The following C10orf67 variants were observed in gnomAD, a reference collection of about 807,000 sequenced individuals.
C10orf67 encodes chromosome 10 open reading frame 67.
Under a neutral mutation model 35.6 loss-of-function variants are expected in C10orf67, and 60 were observed. That is an observed-to-expected ratio of 1.68 (90% CI 1.37 to 2.09). The LOEUF (loss-of-function observed/expected upper bound fraction) is 2.09, where lower values mean the gene tolerates loss of function less well. Among genes scored for constraint, C10orf67 ranks in the 30% most tolerant of loss-of-function variants. C10orf67 has a pLI of 0.00. For synonymous variants in C10orf67, 167 were observed against 115.8 expected (o/e 1.44, Z -2.84); for missense variants, 474 against 330.2 (o/e 1.44, Z -3.38).
intron 12 of C10orf67, among the ~76,000 whole-genome samples, chr10:23,246,904 G>A (rs1373492578): frequency 6.6e-6 from 1 of 152,074 alleles, no homozygotes; most frequent in East Asian, 1.9e-4. Flanking sequence ...ACTTACTGCA[G>A]CCTCAACCTC....
chr10:23,309,447 AATATTGGGGGATGG>A (rs1321199568), intron 4 of C10orf67, among the ~76,000 whole-genome samples: 1 of 152,204 alleles, frequency 6.6e-6, no homozygotes, highest in Non-Finnish European at 1.5e-5. Flanking sequence ...TACAATGTTC[AATATTGGGGGATGG>A]ATATACTAGA....
chr10:23,315,177 A>G (rs1213786707), intron 4 of C10orf67, among the ~76,000 whole-genome samples: 1 of 152,220 alleles, frequency 6.6e-6, no homozygotes, highest in Non-Finnish European at 1.5e-5. Flanking sequence ...ATTTAATTTA[A>G]TATAAACAAT....
intron 12 of C10orf67, among the ~76,000 whole-genome samples, chr10:23,244,425 T>G (rs952771475): frequency 1.3e-5 from 2 of 151,940 alleles, no homozygotes; most frequent in Admixed American, 1.3e-4. Context: ...AAATAAAACA[T>G]TAAAAATTAG....
intron 12 of C10orf67, among the ~76,000 whole-genome samples, chr10:23,246,931 C>A (rs1335141031): frequency 6.6e-6 from 1 of 152,064 alleles, no homozygotes; most frequent in Non-Finnish European, 1.5e-5. Flanking sequence ...TCAAGCGATC[C>A]TCCCACCTGT....
At chr10:23,331,203 G>A (rs1379898042) in intron 2 of C10orf67, among the ~76,000 whole-genome samples, 12 of 4,392 alleles carry the variant, frequency 2.7e-3, no homozygotes, top group Non-Finnish European at 3.9e-3. Flanking sequence ...GGGAAGGGAA[G>A]GGAAGAGGGA....
chr10:23,281,639 T>C (rs2132235947), intron 8 of C10orf67, among the ~76,000 whole-genome samples: 1 of 152,210 alleles, frequency 6.6e-6, no homozygotes, highest in East Asian at 1.9e-4. Context: ...CCAAAATATC[T>C]AGCTGGGCTC....
At chr10:23,259,160 T>C (rs142597229) in intron 10 of C10orf67, among the ~76,000 whole-genome samples, 10 of 152,346 alleles carry the variant, frequency 6.6e-5, no homozygotes, top group African/African-American at 2.4e-4. Context: ...GTAAACACTT[T>C]CTCTGTTTAC....
intron 2 of C10orf67, among the ~76,000 whole-genome samples, chr10:23,330,885 G>A (rs1320378713): frequency 1.3e-5 from 2 of 151,942 alleles, no homozygotes; most frequent in African/African-American, 4.8e-5. Flanking sequence ...TCAACCTCAC[G>A]GTTCAAACAG....
chr10:23,300,681 A>G (rs897607371), intron 5 of C10orf67, among the ~76,000 whole-genome samples: 1 of 152,150 alleles, frequency 6.6e-6, no homozygotes, highest in Non-Finnish European at 1.5e-5. Flanking sequence ...TGAATAATTC[A>G]TAGGCTTCCT....
At position 23,264,528 on chromosome 10, in the gene C10orf67, T is replaced by G. The variant is rs150030076; in HGVS notation, c.1200+1734A>C. On this transcript the variant is annotated intron_variant, in intron 10 of 15. Transcript: ENST00000636213. Reference sequence around the variant, plus strand: ...ACACAAAGAGAAAAGCCTGTTGAAATGACACCTTCTCAGAGATTTGTCAGT... The same window carrying G: ...ACACAAAGAGAAAAGCCTGTTGAAAGGACACCTTCTCAGAGATTTGTCAGT... 1.4e-3 allele frequency among the ~76,000 whole-genome samples: 210 copies of G among 152,312 alleles called. 1 individual carries two copies. The highest frequency in any genetic ancestry group is 4.6e-3 in the African/African-American group (190 of 41,564).
intron 10 of C10orf67, among the ~76,000 whole-genome samples, chr10:23,251,649 A>AG (rs1471613973): frequency 6.6e-6 from 1 of 152,202 alleles, no homozygotes; most frequent in Non-Finnish European, 1.5e-5. Flanking sequence ...TGTAGCTTCC[A>AG]GAGTCATTGC....
intron 4 of C10orf67, among the ~76,000 whole-genome samples, chr10:23,307,321 A>C (rs1844325290): frequency 6.6e-6 from 1 of 152,184 alleles, no homozygotes. Context: ...GGTACATACA[A>C]CATACAGGAA....
At chr10:23,255,075 T>C (rs764255537) in intron 10 of C10orf67, among the ~76,000 whole-genome samples, 4 of 152,178 alleles carry the variant, frequency 2.6e-5, no homozygotes, top group Non-Finnish European at 4.4e-5. Flanking sequence ...ACACCAGTAA[T>C]GTGCCAGTGG....
intron 1 of C10orf67, among the ~76,000 whole-genome samples, chr10:23,340,390 C>T (rs147062640): frequency 3.3e-5 from 5 of 151,220 alleles, no homozygotes; most frequent in African/African-American, 1.2e-4. Context: ...CCTGGTGGCA[C>T]ACACCGGCGG....
intron 2 of C10orf67, among the ~76,000 whole-genome samples, chr10:23,328,394 T>C (rs1200090511): frequency 6.6e-6 from 1 of 152,054 alleles, no homozygotes; most frequent in Admixed American, 6.6e-5. Flanking sequence ...TTTCCTAAGA[T>C]AGCTATTACC....
chr10:23,286,945 C>A (rs1250336928), intron 7 of C10orf67, among the ~76,000 whole-genome samples: 1 of 151,968 alleles, frequency 6.6e-6, no homozygotes, highest in Non-Finnish European at 1.5e-5. Context: ...TATCTAAAAT[C>A]TGAGAATATC....
chr10:23,302,463 A>C (rs1564498671), intron 5 of C10orf67, among the ~76,000 whole-genome samples: 1 of 152,158 alleles, frequency 6.6e-6, no homozygotes. Flanking sequence ...GAACTGTGAG[A>C]ATGAGAAGAG....
At chr10:23,264,091 C>T (rs1484277677) in intron 10 of C10orf67, among the ~76,000 whole-genome samples, 3 of 152,138 alleles carry the variant, frequency 2.0e-5, no homozygotes, top group African/African-American at 7.2e-5. Flanking sequence ...GTCATTTACA[C>T]GTGGTAAACG....
intron 1 of C10orf67, among the ~76,000 whole-genome samples, chr10:23,335,655 C>T (rs1353004413): frequency 2.0e-5 from 3 of 152,132 alleles, no homozygotes; most frequent in Non-Finnish European, 2.9e-5. Flanking sequence ...GGCCATTTAA[C>T]ATGAAAACTC....
Sources: gnomAD v4.1 joint callset for allele counts (sites outside exome capture counted in the v4.1 genomes callset) on GRCh38, gnomAD v4.1.1 for gene constraint, MANE v1.5 for transcripts, NCBI Gene and HGNC (gene_info 2026-07-23, HGNC 2026-07-21) for gene names.